Variants in DISP1 observed in about 807,000 individuals in gnomAD.
DISP1 encodes dispatched RND transporter family member 1.
In DISP1, 30 loss-of-function variants were observed where a neutral mutation model predicts 37.3. That is an observed-to-expected ratio of 0.80 (90% CI 0.60 to 1.09). The LOEUF is 1.09. Ranked by LOEUF, DISP1 falls within the 50% of genes least tolerant of loss-of-function variation. The probability of loss-of-function intolerance (pLI) is 0.00; values close to 1 mark genes in which losing one functional copy is unlikely to be tolerated. For synonymous variants in DISP1, 634 were observed against 690.2 expected (o/e 0.92, Z 1.28); for missense variants, 1,598 against 1,879.5 (o/e 0.85, Z 2.77).
intron 7 of DISP1, among the ~76,000 whole-genome samples, chr1:222,994,471 TTA>T (rs1170202923): frequency 6.6e-6 from 1 of 152,218 alleles, no homozygotes; most frequent in Non-Finnish European, 1.5e-5. Context: ...TCCTCTCTAG[TTA>T]GCTGCCAGGG....
rs1394623764 is a variant in DISP1, at chr1:223,005,231, A to G, written c.3834A>G (p.Lys1278=). 1 of 1,614,132 alleles carries G rather than the reference A, an allele frequency of 6.2e-7. No homozygotes were observed. Among genetic ancestry groups the G allele is most frequent in the Admixed American group, 1.7e-5 (1 of 60,028 alleles). Residue 1278 remains lysine (K), a synonymous_variant, in exon 9 of 9, where the codon AAA becomes AAG. Transcript: ENST00000675850. ...GATGTAGCTGCCCAGATGCCTACAA[A>G]CACTTGAACTATGGCCCACACTCTT... ...NQRCSCPDAY[K]HLNYGPHSCQ... is the part of the protein sequence containing the mutation.
At chr1:222,980,800 C>T (rs1043516194) in intron 3 of DISP1, among the ~76,000 whole-genome samples, 2 of 152,124 alleles carry the variant, frequency 1.3e-5, no homozygotes, top group Non-Finnish European at 2.9e-5. Context: ...GCAACAAGTT[C>T]TTGGCTGGGC....
intron 1 of DISP1, among the ~76,000 whole-genome samples, chr1:222,872,043 A>G (rs1039588694): frequency 4.6e-5 from 7 of 152,148 alleles, no homozygotes; most frequent in African/African-American, 9.7e-5. Context: ...CTATTGAGAT[A>G]ATCATGTGGT....
At chr1:222,996,848 C>A (rs1159212859) in intron 8 of DISP1, among the ~76,000 whole-genome samples, 1 of 152,012 alleles carries the variant, frequency 6.6e-6, no homozygotes, top group East Asian at 1.9e-4. Flanking sequence ...ATGCCATTTC[C>A]CACACAAATG....
intron 2 of DISP1, among the ~76,000 whole-genome samples, chr1:222,939,144 A>G (rs1674186682): frequency 6.6e-6 from 1 of 152,132 alleles, no homozygotes; most frequent in African/African-American, 2.4e-5. Context: ...CCAAGTTACA[A>G]AATAGGTTGT....
chr1:222,984,418 A>AT (rs199785983), intron 4 of DISP1, among the ~76,000 whole-genome samples: 5,567 of 60,254 alleles, frequency 0.092, 414 homozygotes, highest in East Asian at 0.29. Context: ...AAAAAAAAAA[A>AT]AAAATATATA....
intron 1 of DISP1, among the ~76,000 whole-genome samples, chr1:222,878,596 T>C (rs1045275138): frequency 6.6e-6 from 1 of 152,174 alleles, no homozygotes; most frequent in Admixed American, 6.5e-5. Context: ...ATGTTCTGTA[T>C]ATGGTAAGAT....
chr1:222,867,618 G>T (rs572821535), intron 1 of DISP1, among the ~76,000 whole-genome samples: 1 of 152,150 alleles, frequency 6.6e-6, no homozygotes, highest in Admixed American at 6.5e-5. Context: ...AGAGTACCTA[G>T]TGCAAGCAAT....
intron 3 of DISP1, among the ~76,000 whole-genome samples, chr1:222,960,574 C>T (rs530180314): frequency 6.6e-5 from 10 of 151,860 alleles, no homozygotes; most frequent in South Asian, 4.2e-4. Flanking sequence ...GAGAGGCAAG[C>T]GCAAAGTAAT....
In DISP1 at chr1:223,004,938, A is replaced by C. The variant is rs1237298601; in HGVS notation, c.3541A>C (p.Arg1181=). ...HTINAYHLDP[R]GPKSELEHEF... is the part of the protein sequence containing the mutation. ...CATAAATGCTTATCATTTAGATCCCAGGGGCCCAAAATCTGAACTGGAGCA... is the reference window on the plus strand; with the variant it reads ...CATAAATGCTTATCATTTAGATCCCCGGGGCCCAAAATCTGAACTGGAGCA... The change falls in exon 9 of 9, where the codon AGG becomes CGG. Residue 1181 remains arginine (R), a synonymous_variant. Coordinates refer to ENST00000675850, the MANE Select transcript of DISP1 (RefSeq NM_001377229.1). The surrounding 1 kb of genome is among the most constrained non-coding windows in gnomAD (Gnocchi z 4.9). The C allele has an allele frequency of 6.2e-7, 1 of 1,613,170 alleles. No homozygotes were observed. Among genetic ancestry groups the C allele is most frequent in the African/African-American group, 1.3e-5 (1 of 75,036 alleles).
At chr1:222,899,184 A>T (rs1215078526) in intron 1 of DISP1, among the ~76,000 whole-genome samples, 1 of 152,218 alleles carries the variant, frequency 6.6e-6, no homozygotes, top group Non-Finnish European at 1.5e-5. Flanking sequence ...TGTTTAATAC[A>T]GTCTTTCCAT....
intron 3 of DISP1, among the ~76,000 whole-genome samples, chr1:222,954,318 T>C (rs1183581247): frequency 6.6e-6 from 1 of 152,192 alleles, no homozygotes; most frequent in African/African-American, 2.4e-5. Flanking sequence ...TTCAGCAAAA[T>C]TGACACTACA....
intron 1 of DISP1, among the ~76,000 whole-genome samples, chr1:222,843,546 C>A (rs932730152): frequency 6.8e-6 from 1 of 147,732 alleles, no homozygotes; most frequent in African/African-American, 2.5e-5. Context: ...AGGGGAGAGA[C>A]CTTCTCTAAT....
intron 4 of DISP1, among the ~76,000 whole-genome samples, chr1:222,988,418 G>A (rs1004937671): frequency 1.3e-5 from 2 of 152,128 alleles, no homozygotes; most frequent in Non-Finnish European, 2.9e-5. Flanking sequence ...TTGTGACATT[G>A]AATAAGTTCT....
rs201928715 is a variant in DISP1 at position 222,819,535 on chromosome 1, T to C, written c.-159+4457T>C. 7.1e-3 allele frequency among the ~76,000 whole-genome samples: 532 copies of C among 75,312 alleles called. 1 individual carries two copies. Among genetic ancestry groups the C allele is most frequent in the African/African-American group, 0.025 (472 of 18,544 alleles). The allele number at this position is 75,312 out of a possible 152,430, so 49.4% of individuals were successfully genotyped here. On this transcript the variant is annotated intron_variant, in intron 1 of 8. Transcript: ENST00000675850. ...ATACATACACACACACACACACACA[T>C]ATCTTTTTTTTTTTTTTTTTTTGAC...
At chr1:222,984,075 T>G (rs1184591889) in intron 4 of DISP1, among the ~76,000 whole-genome samples, 1 of 151,514 alleles carries the variant, frequency 6.6e-6, no homozygotes, top group African/African-American at 2.4e-5. Context: ...ACTCTCCTTC[T>G]ATTTAAAAAA....
Position 222,991,598 on chromosome 1 carries a change from G to A in DISP1, c.742G>A (p.Ala248Thr). The A allele has an allele frequency of 4.3e-6, 7 of 1,613,728 alleles. No homozygotes were observed. The highest frequency in any genetic ancestry group is 1.1e-5 in the South Asian group (1 of 91,070). ...TATGGTGAAAAATACAGGATACAAA[G>A]CAACATTAGCAAATTATCCCTTTAA... ...NNMVKNTGYK[A>T]TLANYPFKYA... The change falls in exon 6 of 9, where the codon GCA becomes ACA. Residue 248 changes from alanine (A) to threonine (T), a missense_variant. Ala to Thr is a moderately conservative substitution (Grantham distance 58). Coordinates refer to ENST00000675850, the MANE Select transcript of DISP1 (RefSeq NM_001377229.1).
intron 1 of DISP1, among the ~76,000 whole-genome samples, chr1:222,861,054 A>T (rs1668853004): frequency 6.6e-6 from 1 of 152,220 alleles, no homozygotes; most frequent in East Asian, 1.9e-4. Context: ...TATTAAGGCC[A>T]TACTTATCAA....
rs1679519348 is a variant in DISP1, at chr1:223,002,355, T to C, written c.988-30T>C. On this transcript the variant is annotated intron_variant, in intron 8 of 8. Coordinates refer to ENST00000675850, the MANE Select transcript of DISP1 (RefSeq NM_001377229.1). ...AACGATTGTGAACCAATTTAAACTG[T>C]AGTCCTTCTGCTTGTCTCTATCTCT... 5.6e-6 allele frequency: 9 copies of C among 1,595,744 alleles called. 1 individual carries two copies. The African/African-American group carries it at 9.4e-5, about 17-fold the overall frequency.
Sources: allele counts gnomAD v4.1 joint callset (sites outside exome capture counted in the v4.1 genomes callset), GRCh38; gene constraint gnomAD v4.1.1; non-coding constraint Gnocchi (gnomAD v3.1); transcripts MANE v1.5; gene names NCBI Gene and HGNC (gene_info 2026-07-23, HGNC 2026-07-21).